ADGRD1: variants seen among roughly 807,000 people sequenced by gnomAD.
The protein encoded by ADGRD1 is adhesion G protein-coupled receptor D1, also known as G-protein coupled receptor 133.
A neutral mutation model predicts 113.4 loss-of-function variants in ADGRD1; 77 were observed. The ratio of observed to expected loss-of-function variants is 0.68; its 90% confidence interval spans 0.57 to 0.82. ADGRD1 has a LOEUF of 0.82. Ranked by LOEUF, ADGRD1 falls within the 40% of genes least tolerant of loss-of-function variation. The pLI, the probability that ADGRD1 is intolerant of heterozygous loss-of-function variation, is 0.00. For missense variants in ADGRD1, 1,036 were observed against 1,139.1 expected (o/e 0.91, Z 1.30); for synonymous variants, 474 against 475.0 (o/e 1.00, Z 0.03).
chr12:131,005,246 G>A (rs1481167582), intron 11 of ADGRD1, among the ~76,000 whole-genome samples: 1 of 152,182 alleles, frequency 6.6e-6, no homozygotes, highest in Non-Finnish European at 1.5e-5. Flanking sequence ...AGAAGCCAAG[G>A]GAAGGGCCCA....
At chr12:131,088,812 A>T (rs956523393) in intron 15 of ADGRD1, among the ~76,000 whole-genome samples, 1 of 152,174 alleles carries the variant, frequency 6.6e-6, no homozygotes, top group Non-Finnish European at 1.5e-5. Context: ...AAAGCTGGCG[A>T]TCTGTTTCTC....
chr12:130,968,779 C>T (rs1423850344), intron 3 of ADGRD1: 3 of 577,666 alleles, frequency 5.2e-6, no homozygotes, highest in African/African-American at 1.9e-5. Flanking sequence ...AGTGGGGCCA[C>T]TGGAGTGGCC....
intron 12 of ADGRD1, among the ~76,000 whole-genome samples, chr12:131,010,127 G>A (rs1212639413): frequency 6.6e-6 from 1 of 152,244 alleles, no homozygotes; most frequent in African/African-American, 2.4e-5. Flanking sequence ...GTTTGCGTCA[G>A]TCAGGGGCTC....
chr12:131,044,948 C>T (rs747270954), intron 13 of ADGRD1, among the ~76,000 whole-genome samples: 5 of 152,266 alleles, frequency 3.3e-5, no homozygotes, highest in African/African-American at 4.8e-5. Flanking sequence ...GCTCTGTTAC[C>T]GATGTTCAGG....
rs1331293098 is a variant in ADGRD1 at position 131,075,613 on chromosome 12, G to A, written c.1474-1188G>A. Among the ~76,000 whole-genome samples, 2 of 152,244 alleles carry A rather than the reference G, an allele frequency of 1.3e-5. No homozygotes were observed. The highest frequency in any genetic ancestry group is 4.8e-5 in the African/African-American group (2 of 41,474). ...TAATTGGGTTGAGGCTGGAGGAGCT[G>A]TCAGACAGATGCTGCGATGATAGCC... is the stretch of plus-strand genomic sequence containing the variant. On this transcript the variant is annotated intron_variant, in intron 13 of 24. Coordinates refer to ENST00000261654, the MANE Select transcript of ADGRD1 (RefSeq NM_198827.5). This position sits in a 1 kb window ranked among gnomAD's most constrained non-coding sequence, Gnocchi z 5.3.
chr12:131,021,705 T>A (rs1395049946), intron 13 of ADGRD1, among the ~76,000 whole-genome samples: 1 of 152,138 alleles, frequency 6.6e-6, no homozygotes, highest in African/African-American at 2.4e-5. Context: ...TGTGTCCTGA[T>A]CTTCCATTTT....
chr12:130,978,381 A>G (rs1465216040), intron 4 of ADGRD1: 1 of 151,530 alleles, frequency 6.6e-6, no homozygotes, highest in Non-Finnish European at 1.5e-5. Context: ...TCCTCATTTT[A>G]TTTTTTGGAT....
At chr12:131,058,471 T>C (rs760074930) in intron 13 of ADGRD1, among the ~76,000 whole-genome samples, 3 of 152,238 alleles carry the variant, frequency 2.0e-5, no homozygotes, top group Admixed American at 6.5e-5. Flanking sequence ...TCCACTGATC[T>C]TTCTTCATAC....
At chr12:131,014,011 G>T (rs993679831) in intron 12 of ADGRD1, among the ~76,000 whole-genome samples, 188 bp from the exon 13 acceptor site, 1 of 152,166 alleles carries the variant, frequency 6.6e-6, no homozygotes, top group Non-Finnish European at 1.5e-5. Flanking sequence ...AGTTGAACTC[G>T]CCTGCAGGTA....
intron 13 of ADGRD1, chr12:131,025,925 G>C (rs1879882652): frequency 6.6e-6 from 1 of 152,342 alleles, no homozygotes; most frequent in African/African-American, 2.4e-5. Flanking sequence ...AGGCTCTGAG[G>C]GGGCACCTGG....
intron 15 of ADGRD1, among the ~76,000 whole-genome samples, chr12:131,088,506 T>C (rs4759538): frequency 0.58 from 88,704 of 152,090 alleles, 27,400 homozygotes; most frequent in East Asian, 0.88. Context: ...GCGGTGGATT[T>C]TACATCTCAG....
intron 18 of ADGRD1, among the ~76,000 whole-genome samples, chr12:131,109,925 T>C (rs1566118795): frequency 6.6e-6 from 1 of 152,236 alleles, no homozygotes; most frequent in Non-Finnish European, 1.5e-5. Flanking sequence ...TTCTGATGAG[T>C]TGACCCTTTT....
intron 13 of ADGRD1, among the ~76,000 whole-genome samples, chr12:131,019,645 T>C (rs906222122): frequency 6.6e-6 from 1 of 152,238 alleles, no homozygotes; most frequent in African/African-American, 2.4e-5. Context: ...TGATGGCTGT[T>C]GTCAAACATT....
chr12:130,972,255 A>G (rs1408110469), intron 4 of ADGRD1, among the ~76,000 whole-genome samples: 2 of 152,184 alleles, frequency 1.3e-5, no homozygotes, highest in Non-Finnish European at 2.9e-5. Flanking sequence ...TCTGCCTTCC[A>G]AACCAGCTTG....
intron 18 of ADGRD1, among the ~76,000 whole-genome samples, chr12:131,110,922 T>G (rs1950332139): frequency 6.6e-6 from 1 of 152,228 alleles, no homozygotes; most frequent in Non-Finnish European, 1.5e-5. Context: ...CGTTCTTTGA[T>G]TATGTCATCT....
At chr12:131,088,420 G>A (rs2137235325) in intron 15 of ADGRD1, among the ~76,000 whole-genome samples, 1 of 152,352 alleles carries the variant, frequency 6.6e-6, no homozygotes, top group Admixed American at 6.5e-5. Flanking sequence ...TGGATAATTA[G>A]GCTCTAAAAC....
rs756036236 is a variant in ADGRD1, at chr12:130,954,638, C to T, written c.81C>T (p.Tyr27=). 9.9e-6 allele frequency: 16 copies of T among 1,613,616 alleles called. 1 individual carries two copies. Among genetic ancestry groups the T allele is most frequent in the South Asian group, 6.6e-5 (6 of 91,062 alleles). The change falls in exon 2 of 25, where the codon TAC becomes TAT. Residue 27 remains tyrosine, a synonymous_variant. Transcript: ENST00000261654. This position sits in a 1 kb window ranked among gnomAD's most constrained non-coding sequence, Gnocchi z 4.7. The part of the protein sequence containing the change: ...FYYNFQVRGV[Y]SRSQDHPGFQ... Reference sequence around the variant, plus strand: ...TTTGTGCGCAGGTGCGTGGCGTCTACTCCAGATCGCAGGACCATCCAGGTA... The same window carrying T: ...TTTGTGCGCAGGTGCGTGGCGTCTATTCCAGATCGCAGGACCATCCAGGTA...
chr12:130,996,553 G>T (rs1195377632), intron 8 of ADGRD1, among the ~76,000 whole-genome samples: 1 of 124,126 alleles, frequency 8.1e-6, no homozygotes, highest in South Asian at 2.8e-4. Flanking sequence ...CCTCCCTCCC[G>T]GACGGGGCGG....
intron 13 of ADGRD1, among the ~76,000 whole-genome samples, chr12:131,063,087 G>A (rs895599873): frequency 1.1e-4 from 17 of 151,918 alleles, no homozygotes; most frequent in African/African-American, 3.9e-4. Flanking sequence ...TTCTTTTTGT[G>A]TTTTATCATT....
Sources: gnomAD v4.1 joint callset for allele counts (sites outside exome capture counted in the v4.1 genomes callset) on GRCh38, gnomAD v4.1.1 for gene constraint, Gnocchi (gnomAD v3.1) non-coding constraint, MANE v1.5 for transcripts, NCBI Gene and HGNC (gene_info 2026-07-23, HGNC 2026-07-21) for gene names.